Variants in TYSND1 observed in about 807,000 individuals in gnomAD.
TYSND1 encodes the protein trypsin like peroxisomal matrix peptidase 1.
Under a neutral mutation model 37.2 loss-of-function variants are expected in TYSND1, and 30 were observed. The ratio of observed to expected loss-of-function variants is 0.81; its 90% CI spans 0.60 to 1.09. The LOEUF (loss-of-function observed/expected upper bound fraction) is 1.09, where lower values mean the gene tolerates loss of function less well. TYSND1 is among the 50% of genes least tolerant of loss of function. The probability of loss-of-function intolerance (pLI) is 0.00; values close to 1 mark genes in which losing one functional copy is unlikely to be tolerated. For missense variants in TYSND1, 806 were observed against 817.4 expected, an observed-to-expected ratio of 0.99 and a Z score of 0.17; for synonymous variants, 364 against 383.8, an observed-to-expected ratio of 0.95 and a Z score of 0.60.
chr10:70,141,851 T>C (rs1428618237), intron 3 of TYSND1, among the ~76,000 whole-genome samples: 1 of 152,218 alleles, frequency 6.6e-6, no homozygotes, highest in Non-Finnish European at 1.5e-5. Flanking sequence ...TTGGGATTAC[T>C]GGCACGAGCT....
chr10:70,142,451 G>A (rs902011832), intron 3 of TYSND1, among the ~76,000 whole-genome samples: 1 of 152,196 alleles, frequency 6.6e-6, no homozygotes, highest in Admixed American at 6.5e-5. Flanking sequence ...TAGATTAGTA[G>A]CAGAGAAGGG....
At chr10:70,145,269 G>A (rs1443795960) in intron 1 of TYSND1, 152 bp downstream of exon 1, 1 of 705,110 alleles carries the variant, frequency 1.4e-6, no homozygotes, top group Non-Finnish European at 2.0e-6. Flanking sequence ...TGGGTATAAA[G>A]GATGAGGGGA....
In TYSND1 at chr10:70,146,075, G is replaced by A. The variant is rs948148941; in HGVS notation, c.512C>T (p.Ser171Leu). ...CAGTTGATCCGCCTCCTCGTCCTCC[G>A]ACACTTCGTCATCCCGCGCCGCGCT... The part of the protein sequence containing the change: ...FSSAARDDEV[S>L]EDEEADQLRA... The change falls in exon 1 of 4, where the codon TCG becomes TTG. Residue 171 changes from serine to leucine, a missense_variant. By Grantham distance (145) the Ser-to-Leu change is moderately radical (BLOSUM62 -2). Around this residue, in one of 3 missense-constraint regions of TYSND1, gnomAD observed 708 missense variants for 705.4 expected, o/e 1.00. Coordinates refer to ENST00000287078, the MANE Select transcript of TYSND1 (RefSeq NM_173555.4). 1 of 1,594,818 alleles carries A rather than the reference G, an allele frequency of 6.3e-7. No individual in the cohort carries two copies. The highest frequency in any genetic ancestry group is 8.5e-7 in the Non-Finnish European group (1 of 1,171,762).
Position 70,146,039 on chromosome 10 carries a change from C to G in TYSND1, c.548G>C (p.Gly183Ala). 15 of 1,603,084 alleles carry G rather than the reference C, an allele frequency of 9.4e-6. No homozygotes were observed. The highest frequency in any genetic ancestry group is 1.3e-5 in the Non-Finnish European group (15 of 1,175,588). ...DEEADQLRAL[G>A]WFALLGVRLG... ...CCGCACGCCCAGCAGCGCAAACCAGCCCAGCGCTCTCAGTTGATCCGCCTC... is the reference window on the plus strand; with the variant it reads ...CCGCACGCCCAGCAGCGCAAACCAGGCCAGCGCTCTCAGTTGATCCGCCTC... The change falls in exon 1 of 4, where the codon GGC becomes GCC. Residue 183 changes from glycine (G) to alanine (A), a missense_variant. Coordinates refer to ENST00000287078, the MANE Select transcript of TYSND1 (RefSeq NM_173555.4).
At chr10:70,141,239 C>CTTTTTTT (rs34072247) in intron 3 of TYSND1, among the ~76,000 whole-genome samples, 1 of 126,198 alleles carries the variant, frequency 7.9e-6, no homozygotes. Flanking sequence ...CCATACCTGG[C>CTTTTTTT]TTTTTTTTTT....
At position 70,143,926 on chromosome 10, in the gene TYSND1, A is replaced by G. The variant is rs1209708714; in HGVS notation, c.1213T>C (p.Cys405Arg). The G allele has an allele frequency of 1.2e-6, 2 of 1,614,128 alleles. No homozygotes were observed. The highest frequency in any genetic ancestry group is 1.3e-5 in the African/African-American group (1 of 74,946). The stretch of plus-strand genomic sequence containing the variant: ...CTCACCACTGCTATGTCATAGGGAC[A>G]TGTCTCCTGAGTGGCAAATACCACA... ...GRVVFATQET[C>R]PYDIAVVSLE... Residue 405 changes from cysteine (C) to arginine (R), a missense_variant, in exon 2 of 4, where the codon TGT becomes CGT. By Grantham distance (180) the Cys-to-Arg change is radical. This residue lies in a region of TYSND1 where 708 missense variants were observed against 705.4 expected (regional missense o/e 1.00). Coordinates refer to ENST00000287078, the MANE Select transcript of TYSND1 (RefSeq NM_173555.4).
intron 3 of TYSND1, 27 bp downstream of exon 3, chr10:70,142,641 G>A (rs377542064): frequency 9.2e-6 from 14 of 1,526,514 alleles, no homozygotes; most frequent in Non-Finnish European, 1.2e-5. Context: ...AAGTGGGAGG[G>A]CGGGAGGGGG....
Position 70,145,688 on chromosome 10 carries a change from G to C in TYSND1, c.899C>G (p.Ala300Gly). The C allele has an allele frequency of 2.9e-6, 4 of 1,387,758 alleles. No homozygotes were observed. The highest frequency in any genetic ancestry group is 3.7e-6 in the Non-Finnish European group (4 of 1,080,106). 86.0% of individuals were successfully genotyped at this position (1,387,758 alleles called of 1,614,324 possible). A position where few individuals can be genotyped will look rare whatever the true frequency, so the allele number is the denominator to read the frequency against. ...WVGFTLLCAA[A>G]PLFRAARDAL... is the part of the protein sequence containing the mutation. ...GTCGCGGGCGGCGCGGAAAAGGGGGGCGGCGGCGCAGAGCAGCGTGAAGCC... is the reference window on the plus strand; with the variant it reads ...GTCGCGGGCGGCGCGGAAAAGGGGGCCGGCGGCGCAGAGCAGCGTGAAGCC... Residue 300 changes from alanine to glycine, a missense_variant, in exon 1 of 4, where the codon GCC (alanine) becomes GGC (glycine). Physicochemically the swap from Ala to Gly is moderately conservative, Grantham distance 60. Coordinates refer to ENST00000287078, the MANE Select transcript of TYSND1 (RefSeq NM_173555.4).
chr10:70,142,211 A>G (rs2072789598), intron 3 of TYSND1, among the ~76,000 whole-genome samples: 1 of 152,202 alleles, frequency 6.6e-6, no homozygotes, highest in Non-Finnish European at 1.5e-5. Flanking sequence ...TTTTTTAAAA[A>G]AGCTTTACAT....
intron 2 of TYSND1, among the ~76,000 whole-genome samples, chr10:70,143,616 A>G (rs2072823424): frequency 6.6e-6 from 1 of 152,246 alleles, no homozygotes; most frequent in Non-Finnish European, 1.5e-5. Flanking sequence ...CCAAAGGCCC[A>G]GCATCCTCAC....
chr10:70,142,753 C>A lies in TYSND1; in HGVS notation c.1398G>T (p.Thr466=), dbSNP rs548977757. 7.4e-6 allele frequency: 12 copies of A among 1,613,924 alleles called. No individual in the cohort carries two copies. In the African/African-American group the frequency reaches 1.1e-4, roughly 14 times the overall value. The change falls in exon 3 of 4, where the codon ACG becomes ACT. Residue 466 remains threonine, a synonymous_variant. Coordinates refer to ENST00000287078, the MANE Select transcript of TYSND1 (RefSeq NM_173555.4). The part of the protein sequence containing the change: ...ILSAVVQVNG[T]PVMLQTTCAV... ...CACACGTGGTCTGCAGCATTACGGG[C>A]GTGCCATTCACCTGCACCACAGCCG...
intron 1 of TYSND1, among the ~76,000 whole-genome samples, chr10:70,145,139 ACT>A (rs1481466128): frequency 2.0e-5 from 3 of 151,944 alleles, no homozygotes; most frequent in African/African-American, 7.3e-5. Flanking sequence ...CCCAGAAGAA[ACT>A]CAGCCTTTGA....
In TYSND1 at chr10:70,138,242, C is replaced by T. The variant is rs1053105; in HGVS notation, c.*1682G>A. The T allele has an allele frequency of 0.23, 35,710 of 152,096 alleles. 5,446 individuals are homozygous for T. The highest frequency in any genetic ancestry group is 0.35 in the Non-Finnish European group (23,543 of 67,976). 9.4% of individuals were successfully genotyped at this position (152,096 alleles called of 1,614,324 possible). A position where few individuals can be genotyped will look rare whatever the true frequency, so the allele number is the denominator to read the frequency against. On this transcript the variant is annotated 3_prime_UTR_variant, in exon 4 of 4. Transcript: ENST00000287078. ...CTCATGGGAAGGTCTTTAGGACCCA[C>T]TGTGAAAAAGGTGGGCGAACATTAG...
At chr10:70,142,364 T>C (rs925584567) in intron 3 of TYSND1, among the ~76,000 whole-genome samples, 4 of 152,182 alleles carry the variant, frequency 2.6e-5, no homozygotes, top group East Asian at 1.9e-4. Flanking sequence ...TTGCTTTATC[T>C]TTCCAGCCTC....
In TYSND1 at chr10:70,139,985, G is replaced by A. The variant is rs1687337736; in HGVS notation, c.1640C>T (p.Pro547Leu). Reference protein sequence around the residue: ...GLRELDRAAEPVRVVWRLQRP... With the variant: ...GLRELDRAAELVRVVWRLQRP... ...CTGCAACCGCCACACCACCCTGACTGGCTCAGCAGCGCGGTCCAGCTCACG... is the reference window on the plus strand; with the variant it reads ...CTGCAACCGCCACACCACCCTGACTAGCTCAGCAGCGCGGTCCAGCTCACG... The change falls in exon 4 of 4, where the codon CCA (proline) becomes CTA (leucine). Residue 547 changes from proline (P) to leucine (L), a missense_variant. Transcript: ENST00000287078. The A allele has an allele frequency of 6.2e-7, 1 of 1,614,184 alleles. No homozygotes were observed. The highest frequency in any genetic ancestry group is 8.5e-7 in the Non-Finnish European group (1 of 1,180,030).
At chr10:70,144,481 G>A (rs935622514) in intron 1 of TYSND1, 3 of 993,616 alleles carry the variant, frequency 3.0e-6, no homozygotes, top group African/African-American at 1.7e-5. Flanking sequence ...CCCTATTTAC[G>A]TACACGCTAA....
chr10:70,144,073 G>C, intron 1 of TYSND1, 101 bp from the exon 2 acceptor site: 1 of 1,496,536 alleles, frequency 6.7e-7, no homozygotes, highest in South Asian at 1.2e-5. Context: ...GAAGATCTGG[G>C]TATCAGCCCT....
Position 70,140,019 on chromosome 10 carries a change from C to T in TYSND1, c.1606G>A (p.Gly536Ser). ...LQQYSQTQDL[G>S]GLRELDRAAE... is the part of the protein sequence containing the mutation. ...GCGCGGTCCAGCTCACGGAGGCCAC[C>T]TAGGTCTTGGGTCTGGCTGTACTGC... The change falls in exon 4 of 4, where the codon GGT (glycine) becomes AGT (serine). Residue 536 changes from glycine to serine, a missense_variant. By Grantham distance (56) the Gly-to-Ser change is moderately conservative. This residue lies in a region of TYSND1 where 708 missense variants were observed against 705.4 expected (regional missense o/e 1.00). Transcript: ENST00000287078. 1 of 1,614,240 alleles carries T rather than the reference C, an allele frequency of 6.2e-7. No individual in the cohort carries two copies. The highest frequency in any genetic ancestry group is 1.1e-5 in the South Asian group (1 of 91,086).
At chr10:70,142,119 T>C (rs1254216709) in intron 3 of TYSND1, among the ~76,000 whole-genome samples, 1 of 144,784 alleles carries the variant, frequency 6.9e-6, no homozygotes, top group African/African-American at 2.6e-5. Context: ...TTTTTTTCTT[T>C]TTGACAGCTA....
Sources: allele counts gnomAD v4.1 joint callset (sites outside exome capture counted in the v4.1 genomes callset), GRCh38; gene constraint gnomAD v4.1.1; regional missense constraint gnomAD v4.1.1; transcripts MANE v1.5; gene names NCBI Gene and HGNC (gene_info 2026-07-23, HGNC 2026-07-21).